The following SMAP2 variants were observed in gnomAD, a reference collection of about 807,000 sequenced individuals.
The protein encoded by SMAP2 is stromal membrane-associated protein 2.
SMAP2 carries 25 observed loss-of-function variants against 56.4 expected under a neutral mutation model. The ratio of observed to expected loss-of-function variants is 0.44; its 90% CI spans 0.32 to 0.62. SMAP2 has a LOEUF of 0.62. Ranked by LOEUF, SMAP2 falls within the 20% of genes least tolerant of loss-of-function variation. The pLI, the probability that SMAP2 is intolerant of heterozygous loss-of-function variation, is 0.04. For synonymous variants in SMAP2, 157 were observed against 181.7 expected (o/e 0.86, Z 1.09); for missense variants, 388 against 545.6 (o/e 0.71, Z 2.88).
At chr1:40,416,457 A>G (rs2124372428) in intron 8 of SMAP2, 116 bp downstream of exon 8, 2 of 1,142,362 alleles carry the variant, frequency 1.8e-6, no homozygotes, top group Non-Finnish European at 2.5e-6. Context: ...TCATACACCA[A>G]ACAAACCTGA....
chr1:40,394,110 G>A lies in SMAP2; in HGVS notation c.104-12626G>A, dbSNP rs577077163. Among the ~76,000 whole-genome samples the A allele has an allele frequency of 1.4e-4, 22 of 152,108 alleles. No homozygotes were observed. The East Asian group carries it at 4.2e-3, about 29-fold the overall frequency. On this transcript the variant is annotated intron_variant, in intron 1 of 9. Coordinates refer to ENST00000372718, the MANE Select transcript of SMAP2 (RefSeq NM_022733.3). ...TTGTTTTCAAGAATTTTTTCCTTTA[G>A]TTCCAGAACTCTTTGCTTCCATCCT...
chr1:40,408,618 G>C lies in SMAP2; in HGVS notation c.238-35G>C. ...AAGTTTTTCAGTTCTTTCTTGATCT[G>C]ACGTTCCATGTTTCTACATTCTCTT... is the stretch of plus-strand genomic sequence containing the variant. On this transcript the variant is annotated intron_variant, in intron 2 of 9. Transcript: ENST00000372718. The surrounding 1 kb of genome is among the most constrained non-coding windows in gnomAD (Gnocchi z 4.3). 2 of 1,574,750 alleles carry C rather than the reference G, an allele frequency of 1.3e-6. No homozygotes were observed. Among genetic ancestry groups the C allele is most frequent in the Non-Finnish European group, 1.7e-6 (2 of 1,144,728 alleles).
intron 9 of SMAP2, among the ~76,000 whole-genome samples, chr1:40,419,224 A>G (rs960254546): frequency 1.3e-5 from 2 of 152,122 alleles, no homozygotes; most frequent in Non-Finnish European, 2.9e-5. Flanking sequence ...CTATGAAGGT[A>G]ATCACTAGAA....
At chr1:40,372,142 A>G (rs905921169), upstream of SMAP2, among the ~76,000 whole-genome samples, 5 of 152,224 alleles carry the variant, frequency 3.3e-5, no homozygotes, top group African/African-American at 1.2e-4. Context: ...AGCTCCCTCT[A>G]GAGAGCACGG....
chr1:40,354,211 T>G (rs546888663), intron 1 of SMAP2, among the ~76,000 whole-genome samples: 36 of 152,026 alleles, frequency 2.4e-4, no homozygotes, highest in African/African-American at 8.2e-4. Flanking sequence ...CAGAGAAAAA[T>G]CCAGAGGGAT....
At chr1:40,405,902 C>G (rs762977583) in intron 1 of SMAP2, among the ~76,000 whole-genome samples, 41 of 152,096 alleles carry the variant, frequency 2.7e-4, no homozygotes, top group Non-Finnish European at 5.1e-4. Flanking sequence ...TTGCTATAAG[C>G]ATCTTTATTA....
At chr1:40,390,600 C>T (rs1411476017) in intron 1 of SMAP2, among the ~76,000 whole-genome samples, 1 of 152,048 alleles carries the variant, frequency 6.6e-6, no homozygotes, top group Non-Finnish European at 1.5e-5. Context: ...GTCTCAGATT[C>T]CCAGCAGCAG....
chr1:40,357,056 C>A lies in SMAP2; in HGVS notation c.-82-5244C>A, dbSNP rs183496365. Among the ~76,000 whole-genome samples the A allele has an allele frequency of 5.3e-5, 8 of 152,138 alleles. No individual in the cohort carries two copies. In the East Asian group the frequency reaches 1.5e-3, roughly 29 times the overall value. On this transcript the variant is annotated intron_variant, in intron 1 of 6. Coordinates refer to the SMAP2 transcript ENST00000435168. Reference sequence around the variant, plus strand: ...GAGTTATTTGAGCTCCTTATATATTCTGTTTATTAAGCCCTTGTCAGATGA... The same window carrying A: ...GAGTTATTTGAGCTCCTTATATATTATGTTTATTAAGCCCTTGTCAGATGA...
chr1:40,371,095 C>A (rs1298202120), upstream of SMAP2, among the ~76,000 whole-genome samples: 1 of 152,116 alleles, frequency 6.6e-6, no homozygotes, highest in South Asian at 2.1e-4. Flanking sequence ...ATTGCTTGAA[C>A]CTGGGAGGCG....
intron 1 of SMAP2, among the ~76,000 whole-genome samples, chr1:40,348,275 C>T (rs936851349): frequency 6.6e-6 from 1 of 152,178 alleles, no homozygotes; most frequent in African/African-American, 2.4e-5. Flanking sequence ...ATATGTATTT[C>T]TGAATTGTTC....
chr1:40,391,306 T>A (rs1463656675), intron 1 of SMAP2, among the ~76,000 whole-genome samples: 1 of 152,232 alleles, frequency 6.6e-6, no homozygotes, highest in Admixed American at 6.5e-5. Flanking sequence ...AAGTGTATAC[T>A]ATACACAGAT....
rs1319438770 is a variant in SMAP2 at position 40,416,999 on chromosome 1, C to T, written c.1067C>T (p.Thr356Ile). The change falls in exon 9 of 10, where the codon ACC becomes ATC. Residue 356 changes from threonine (T) to isoleucine (I), a missense_variant. Thr to Ile is a moderately conservative substitution (Grantham distance 89, BLOSUM62 -1). Coordinates refer to ENST00000372718, the MANE Select transcript of SMAP2 (RefSeq NM_022733.3). Reference sequence around the variant, plus strand: ...ATGGGTGTGCCGAATGGAATGATGACCACCCAGCAGGCTGGCTACATGGCA... The same window carrying T: ...ATGGGTGTGCCGAATGGAATGATGATCACCCAGCAGGCTGGCTACATGGCA... ...SMMGVPNGMM[T>I]TQQAGYMAGM... The T allele has an allele frequency of 5.0e-6, 8 of 1,614,182 alleles. No individual in the cohort carries two copies. The highest frequency in any genetic ancestry group is 6.8e-6 in the Non-Finnish European group (8 of 1,180,012).
At chr1:40,405,011 C>T (rs974321537) in intron 1 of SMAP2, among the ~76,000 whole-genome samples, 15 of 152,118 alleles carry the variant, frequency 9.9e-5, no homozygotes, top group Admixed American at 2.0e-4. Context: ...AAATTTCAGG[C>T]GGAGAGCACC....
intron 1 of SMAP2, among the ~76,000 whole-genome samples, chr1:40,404,013 G>T (rs1409968957): frequency 6.6e-6 from 1 of 152,196 alleles, no homozygotes; most frequent in Non-Finnish European, 1.5e-5. Context: ...TGGGAGAATC[G>T]CTTGAGGCGA....
chr1:40,345,611 G>A (rs1326831481), intron 1 of SMAP2, among the ~76,000 whole-genome samples: 1 of 151,858 alleles, frequency 6.6e-6, no homozygotes, highest in Non-Finnish European at 1.5e-5. Flanking sequence ...ACAAGTGTGA[G>A]CCATGCACCC....
chr1:40,409,638 T>C (rs1569908219), intron 3 of SMAP2, 119 bp from the exon 4 acceptor site: 1 of 676,208 alleles, frequency 1.5e-6, no homozygotes, highest in Non-Finnish European at 2.6e-6. Context: ...GCAGGAGCCA[T>C]GTGGGGAAAC....
intron 5 of SMAP2, chr1:40,413,956 G>C: frequency 1.8e-6 from 1 of 541,824 alleles, no homozygotes; most frequent in Non-Finnish European, 3.3e-6. Flanking sequence ...CGATATCTTT[G>C]TTTTTCATTT....
intron 1 of SMAP2, among the ~76,000 whole-genome samples, chr1:40,353,225 G>A (rs1644417687): frequency 6.6e-6 from 1 of 152,246 alleles, no homozygotes; most frequent in African/African-American, 2.4e-5. Flanking sequence ...AAACAGCTAA[G>A]ATTGGGGACA....
chr1:40,408,630 T>A lies in SMAP2; in HGVS notation c.238-23T>A. The A allele has an allele frequency of 6.2e-7, 1 of 1,602,916 alleles. No individual in the cohort carries two copies. Among genetic ancestry groups the A allele is most frequent in the Non-Finnish European group, 8.5e-7 (1 of 1,170,006 alleles). ...TCTTTCTTGATCTGACGTTCCATGT[T>A]TCTACATTCTCTTTGGTCACAGTGC... On this transcript the variant is annotated intron_variant, in intron 2 of 9. Coordinates refer to ENST00000372718, the MANE Select transcript of SMAP2 (RefSeq NM_022733.3). The surrounding 1 kb of genome is among the most constrained non-coding windows in gnomAD (Gnocchi z 4.3).
Sources: allele counts gnomAD v4.1 joint callset (sites outside exome capture counted in the v4.1 genomes callset), GRCh38; gene constraint gnomAD v4.1.1; non-coding constraint Gnocchi (gnomAD v3.1); transcripts MANE v1.5; gene names NCBI Gene and HGNC (gene_info 2026-07-23, HGNC 2026-07-21).